The following ZNF518A variants were observed in gnomAD, a reference collection of about 807,000 sequenced individuals.
ZNF518A encodes zinc finger protein 518.
Under a neutral mutation model 102.7 loss-of-function variants are expected in ZNF518A, and 47 were observed. That is an observed-to-expected ratio of 0.46 (90% CI 0.36 to 0.58). The LOEUF (loss-of-function observed/expected upper bound fraction) is 0.58. ZNF518A is among the 20% of genes least tolerant of loss of function. The pLI is 0.00. For synonymous variants in ZNF518A, 652 were observed against 594.6 expected (o/e 1.10, Z -1.40); for missense variants, 1,793 against 1,699.8 (o/e 1.05, Z -0.96).
intron 3 of ZNF518A, among the ~76,000 whole-genome samples, chr10:96,142,305 GGTGTGTGTGTGTGTGTGT>G (rs60624825): frequency 1.9e-4 from 20 of 104,132 alleles, no homozygotes; most frequent in East Asian, 3.7e-4. Context: ...ATATTCTTAG[GGTGTGTGTGTGTGTGTGT>G]GTGTGTGTGT....
chr10:96,200,210 A>G lies in ZNF518A; in HGVS notation n.36-3364A>G, dbSNP rs1463451703. 1.3e-6 allele frequency: 2 copies of G among 1,487,280 alleles called. No homozygotes were observed. The highest frequency in any genetic ancestry group is 1.4e-5 in the African/African-American group (1 of 72,498). The allele number at this position is 1,487,280 out of a possible 1,614,324, so 92.1% of individuals were successfully genotyped here. On this transcript the variant is annotated intron_variant and non_coding_transcript_variant, in intron 1 of 2. Coordinates refer to the ZNF518A transcript ENST00000442635. This position sits in a 1 kb window ranked among gnomAD's most constrained non-coding sequence, Gnocchi z 4.3. ...ATGGGATGGTCCCTACTTAACTCTA[A>G]TTTCTGTGTACTAGAAACAAAGACC...
At chr10:96,153,267 G>A (rs1591202558) in intron 3 of ZNF518A, among the ~76,000 whole-genome samples, 1 of 152,188 alleles carries the variant, frequency 6.6e-6, no homozygotes, top group South Asian at 2.1e-4. Flanking sequence ...CGGTTGGATG[G>A]TGCCCACCCA....
chr10:96,159,200 T>C lies in ZNF518A; in HGVS notation c.2878T>C (p.Leu960=). The C allele has an allele frequency of 6.2e-7, 1 of 1,613,830 alleles. No individual in the cohort carries two copies. The highest frequency in any genetic ancestry group is 8.5e-7 in the Non-Finnish European group (1 of 1,179,774). Residue 960 remains leucine (L), a synonymous_variant, in exon 6 of 6, where the codon TTG becomes CTG. Transcript: ENST00000316045. ...LPVIPGNALP[L]VNSQGIPASL... is the part of the protein sequence containing the mutation. Reference sequence around the variant, plus strand: ...AGTTATTCCTGGAAATGCACTTCCATTGGTTAATTCACAAGGTATCCCTGC... The same window carrying C: ...AGTTATTCCTGGAAATGCACTTCCACTGGTTAATTCACAAGGTATCCCTGC...
chr10:96,134,114 C>T (rs1477200685), intron 3 of ZNF518A, among the ~76,000 whole-genome samples: 1 of 152,192 alleles, frequency 6.6e-6, no homozygotes, highest in Non-Finnish European at 1.5e-5. Context: ...AGCTCAAAGG[C>T]AATCATCACT....
chr10:96,194,153 G>A (rs1554894096), intron 1 of ZNF518A, among the ~76,000 whole-genome samples: 2 of 152,148 alleles, frequency 1.3e-5, no homozygotes, highest in Admixed American at 1.3e-4. Context: ...GAGCCCCTCA[G>A]GGAGTTCAAA....
rs77872090 is a variant in ZNF518A at position 96,159,707 on chromosome 10, C to G, written c.3385C>G (p.Gln1129Glu). The change falls in exon 6 of 6, where the codon CAA (glutamine) becomes GAA (glutamate). Residue 1129 changes from glutamine to glutamate, a missense_variant. By Grantham distance (29) the Gln-to-Glu change is conservative (BLOSUM62 2). Coordinates refer to ENST00000316045, the MANE Select transcript of ZNF518A (RefSeq NM_001330736.2). ...CAAATTAGTCCAAAATAGTACTTAT[C>G]AAAATATACAGCCAAAGAAACCTGA... ...KPKLVQNSTY[Q>E]NIQPKKPEGT... The G allele has an allele frequency of 6.2e-7, 1 of 1,613,182 alleles. No individual in the cohort carries two copies. Among genetic ancestry groups the G allele is most frequent in the Admixed American group, 1.7e-5 (1 of 59,942 alleles).
In ZNF518A at chr10:96,157,098, C is replaced by G; in HGVS notation, c.776C>G (p.Thr259Ser). The change falls in exon 6 of 6, where the codon ACT (threonine) becomes AGT (serine). Residue 259 changes from threonine to serine, a missense_variant. Physicochemically the swap from Thr to Ser is moderately conservative, Grantham distance 58. Transcript: ENST00000316045. ...LQKHLHIHSG[T>S]FPFTCQYCSY... ...AAGCACCTTCATATTCATTCTGGTACTTTTCCCTTCACTTGTCAATATTGT... is the reference window on the plus strand; with the variant it reads ...AAGCACCTTCATATTCATTCTGGTAGTTTTCCCTTCACTTGTCAATATTGT... The G allele has an allele frequency of 6.2e-7, 1 of 1,613,802 alleles. No individual in the cohort carries two copies. Among genetic ancestry groups the G allele is most frequent in the Non-Finnish European group, 8.5e-7 (1 of 1,179,770 alleles).
At chr10:96,204,893 G>A (rs2083755358), downstream of ZNF518A, 1 of 398,458 alleles carries the variant, frequency 2.5e-6, no homozygotes, top group South Asian at 2.2e-5. Flanking sequence ...CACGGGCCCT[G>A]AAACTTTAAG....
At chr10:96,195,925 A>G (rs1052472006) in intron 1 of ZNF518A, among the ~76,000 whole-genome samples, 3 of 152,212 alleles carry the variant, frequency 2.0e-5, no homozygotes, top group Non-Finnish European at 4.4e-5. Context: ...CTTAATAATT[A>G]TTTATCAAGT....
chr10:96,186,002 C>T (rs2083269779), intron 1 of ZNF518A, among the ~76,000 whole-genome samples: 1 of 152,248 alleles, frequency 6.6e-6, no homozygotes, highest in Non-Finnish European at 1.5e-5. Context: ...GTGAGCAAGG[C>T]TTCGTGGGCG....
chr10:96,180,789 G>C (rs1245938560), intron 1 of ZNF518A, among the ~76,000 whole-genome samples: 1 of 152,174 alleles, frequency 6.6e-6, no homozygotes, highest in East Asian at 1.9e-4. Flanking sequence ...ATTGTGAATA[G>C]TGCCGCAATA....
chr10:96,143,210 C>T (rs138180727), intron 3 of ZNF518A, among the ~76,000 whole-genome samples: 4 of 152,166 alleles, frequency 2.6e-5, no homozygotes, highest in Admixed American at 6.5e-5. Flanking sequence ...TCTATTTTTA[C>T]TCTTTCTCCA....
At chr10:96,137,128 A>G (rs2081636501) in intron 3 of ZNF518A, among the ~76,000 whole-genome samples, 3 of 152,182 alleles carry the variant, frequency 2.0e-5, no homozygotes, top group East Asian at 1.9e-4. Context: ...ATCTTTATTT[A>G]TCCTCCCCTC....
Position 96,159,616 on chromosome 10 carries a change from G to T in ZNF518A, c.3294G>T (p.Leu1098Phe). The T allele has an allele frequency of 6.2e-7, 1 of 1,613,774 alleles. No individual in the cohort carries two copies. The highest frequency in any genetic ancestry group is 8.5e-7 in the Non-Finnish European group (1 of 1,179,790). The change falls in exon 6 of 6, where the codon TTG (leucine) becomes TTT (phenylalanine). Residue 1098 changes from leucine to phenylalanine, a missense_variant. Physicochemically the swap from Leu to Phe is conservative, Grantham distance 22 (BLOSUM62 0). Transcript: ENST00000316045. ...IFPKPPLYTF[L>F]PDGKQAVFLK... ...CAAAACCACCTCTTTATACCTTCTT[G>T]CCTGATGGCAAACAAGCTGTTTTTT... is the stretch of plus-strand genomic sequence containing the variant.
chr10:96,130,073 G>A (rs1329256093), upstream of ZNF518A: 6 of 152,790 alleles, frequency 3.9e-5, no homozygotes, highest in Non-Finnish European at 8.8e-5. Flanking sequence ...GGATGGAAGT[G>A]TAATGGCCGC....
chr10:96,130,030 G>C (rs1168441099), upstream of ZNF518A: 2 of 152,738 alleles, frequency 1.3e-5, no homozygotes, highest in Non-Finnish European at 2.9e-5. Flanking sequence ...GTGCGCTCCC[G>C]GTAGCGCTGC....
intron 1 of ZNF518A, among the ~76,000 whole-genome samples, chr10:96,170,194 C>A (rs770790801): frequency 6.6e-6 from 1 of 152,218 alleles, no homozygotes; most frequent in African/African-American, 2.4e-5. Flanking sequence ...ATGGACATCT[C>A]ATTTCCCAGG....
intron 3 of ZNF518A, among the ~76,000 whole-genome samples, chr10:96,154,308 C>G (rs1374300088): frequency 2.0e-5 from 3 of 152,170 alleles, no homozygotes; most frequent in Admixed American, 1.3e-4. Context: ...GCACTGCAGC[C>G]TGAGCGACAG....
chr10:96,159,282 T>C lies in ZNF518A; in HGVS notation c.2960T>C (p.Leu987Pro), dbSNP rs1554885790. 3 of 1,613,280 alleles carry C rather than the reference T, an allele frequency of 1.9e-6. No individual in the cohort carries two copies. The highest frequency in any genetic ancestry group is 1.3e-5 in the African/African-American group (1 of 74,882). ...GMVLTLNNGK[L>P]EGVSAVKTEG... is the part of the protein sequence containing the mutation. The stretch of plus-strand genomic sequence containing the variant: ...GTTTTAACACTTAATAATGGGAAAC[T>C]TGAAGGTGTTTCCGCTGTCAAAACC... The change falls in exon 6 of 6, where the codon CTT (leucine) becomes CCT (proline). Residue 987 changes from leucine (L) to proline (P), a missense_variant. Physicochemically the swap from Leu to Pro is moderately conservative, Grantham distance 98. Coordinates refer to ENST00000316045, the MANE Select transcript of ZNF518A (RefSeq NM_001330736.2).
Sources: gnomAD v4.1 joint callset for allele counts (sites outside exome capture counted in the v4.1 genomes callset) on GRCh38, gnomAD v4.1.1 for gene constraint, Gnocchi (gnomAD v3.1) non-coding constraint, MANE v1.5 for transcripts, NCBI Gene and HGNC (gene_info 2026-07-23, HGNC 2026-07-21) for gene names.